Variants in STK32B observed in about 807,000 individuals in gnomAD.
The protein encoded by STK32B is serine/threonine kinase 32B, also known as serine/threonine-protein kinase 32B.
Under a neutral mutation model 52.6 loss-of-function variants are expected in STK32B, and 43 were observed. That is an observed-to-expected ratio of 0.82 (90% CI 0.64 to 1.05). The LOEUF is 1.05. Ranked by LOEUF, STK32B falls within the 50% of genes least tolerant of loss-of-function variation. The pLI is 0.00. For synonymous variants in STK32B, 238 were observed against 204.3 expected (o/e 1.17, Z -1.41); for missense variants, 621 against 534.6 (o/e 1.16, Z -1.59).
chr4:5,142,897 T>G (rs77447498), intron 2 of STK32B, among the ~76,000 whole-genome samples: 3,183 of 152,284 alleles, frequency 0.021, 68 homozygotes, highest in South Asian at 0.052. Flanking sequence ...ATCCAACCAT[T>G]TGAAGACTTT....
At chr4:5,369,998 C>T (rs370480048) in intron 4 of STK32B, among the ~76,000 whole-genome samples, 5 of 152,030 alleles carry the variant, frequency 3.3e-5, no homozygotes, top group African/African-American at 7.3e-5. Context: ...GCCTCAGCCT[C>T]CCGAGTAGCT....
At chr4:5,248,096 G>T (rs1725593390) in intron 3 of STK32B, among the ~76,000 whole-genome samples, 1 of 152,104 alleles carries the variant, frequency 6.6e-6, no homozygotes, top group Admixed American at 6.5e-5. Context: ...TAACATAGTG[G>T]GTGTTTTCAG....
chr4:5,159,733 ATATATGAATATATGAATG>A (rs1450392125), intron 2 of STK32B, among the ~76,000 whole-genome samples: 5 of 138,602 alleles, frequency 3.6e-5, no homozygotes, highest in African/African-American at 1.2e-4. Context: ...ATATGAATAT[ATATATGAATATATGAATG>A]TATATGAATA....
intron 3 of STK32B, among the ~76,000 whole-genome samples, chr4:5,264,972 A>G (rs1043378925): frequency 6.6e-6 from 1 of 152,054 alleles, no homozygotes; most frequent in Non-Finnish European, 1.5e-5. Flanking sequence ...TTTCTTCTTT[A>G]TGTTCATTGC....
intron 3 of STK32B, among the ~76,000 whole-genome samples, chr4:5,253,225 C>G (rs995967189): frequency 6.6e-6 from 1 of 152,040 alleles, no homozygotes; most frequent in Non-Finnish European, 1.5e-5. Flanking sequence ...AGAGGGAGTT[C>G]CCTTCAACTC....
At chr4:5,311,926 AG>A (rs1730321528) in intron 3 of STK32B, among the ~76,000 whole-genome samples, 1 of 147,334 alleles carries the variant, frequency 6.8e-6, no homozygotes, top group South Asian at 2.1e-4. Context: ...TTTTTTTTAA[AG>A]TTTATTCTTA....
chr4:5,296,822 A>G (rs1303457768), intron 3 of STK32B, among the ~76,000 whole-genome samples: 1 of 152,030 alleles, frequency 6.6e-6, no homozygotes, highest in Middle Eastern at 3.2e-3. Context: ...CTAGCTGGTT[A>G]TTTTGCACAT....
At position 5,168,337 on chromosome 4, in the gene STK32B, T is replaced by C. The variant is rs368357822; in HGVS notation, c.147T>C (p.Tyr49=). 26 of 1,613,804 alleles carry C rather than the reference T, an allele frequency of 1.6e-5. No homozygotes were observed. Among genetic ancestry groups the C allele is most frequent in the Non-Finnish European group, 1.9e-5 (23 of 1,180,014 alleles). ...IVQKRDTKKM[Y]AMKYMNKQKC... Reference sequence around the variant, plus strand: ...AGAAGCGAGACACTAAGAAAATGTATGCAATGAAGTACATGAACAAGCAGA... The same window carrying C: ...AGAAGCGAGACACTAAGAAAATGTACGCAATGAAGTACATGAACAAGCAGA... Residue 49 remains tyrosine (Y), a synonymous_variant, in exon 3 of 12, where the codon TAT becomes TAC. Transcript: ENST00000282908.
intron 1 of STK32B, among the ~76,000 whole-genome samples, chr4:5,060,130 C>T (rs1742161940): frequency 6.6e-6 from 1 of 152,146 alleles, no homozygotes; most frequent in African/African-American, 2.4e-5. Flanking sequence ...CTACGCCCGG[C>T]TAATTTTGTA....
chr4:5,453,362 G>T lies in STK32B; in HGVS notation c.667-3445G>T, dbSNP rs1243621554. Among the ~76,000 whole-genome samples the T allele has an allele frequency of 6.6e-6, 1 of 152,262 alleles. No individual in the cohort carries two copies. Among genetic ancestry groups the T allele is most frequent in the East Asian group, 1.9e-4 (1 of 5,164 alleles). On this transcript the variant is annotated intron_variant, in intron 7 of 11. Transcript: ENST00000282908. The surrounding 1 kb of genome is among the most constrained non-coding windows in gnomAD (Gnocchi z 4.0). ...AAACATTTACATTTGTTTCTGGCTG[G>T]TGTTCAAGTTGGGTGCTTGGATTCT...
intron 3 of STK32B, among the ~76,000 whole-genome samples, chr4:5,279,988 G>T (rs1728087893): frequency 6.6e-6 from 1 of 152,188 alleles, no homozygotes. Context: ...GGAAGGGGCT[G>T]CTGTGAAGGT....
At chr4:5,468,811 C>G (rs1404547741) in intron 11 of STK32B, among the ~76,000 whole-genome samples, 1 of 152,130 alleles carries the variant, frequency 6.6e-6, no homozygotes, top group Non-Finnish European at 1.5e-5. Context: ...ACCTGTAATT[C>G]TAGCATTTTG....
chr4:5,245,225 A>G (rs1009279967), intron 3 of STK32B, among the ~76,000 whole-genome samples: 14 of 152,302 alleles, frequency 9.2e-5, no homozygotes, highest in African/African-American at 3.4e-4. Context: ...GAATCTTTGT[A>G]GGTCACTCAG....
At chr4:5,348,717 G>A (rs539855650) in intron 4 of STK32B, among the ~76,000 whole-genome samples, 107 of 152,258 alleles carry the variant, frequency 7.0e-4, no homozygotes, top group African/African-American at 2.5e-3. Flanking sequence ...TCCACCAGAG[G>A]CCTGAGGATC....
At chr4:5,075,263 A>G (rs889520431) in intron 1 of STK32B, among the ~76,000 whole-genome samples, 2 of 152,206 alleles carry the variant, frequency 1.3e-5, no homozygotes, top group Non-Finnish European at 2.9e-5. Flanking sequence ...GTACAGCACA[A>G]ATGTGATCAT....
the STK32B span, among the ~76,000 whole-genome samples, chr4:5,036,440 A>T: frequency 3.3e-4 from 50 of 152,224 alleles, no homozygotes; most frequent in Non-Finnish European, 5.0e-4. Context: ...GAAGTCAGAA[A>T]ATAAACTCCA....
chr4:5,149,925 C>CT (rs1386115522), intron 2 of STK32B, among the ~76,000 whole-genome samples: 1 of 151,790 alleles, frequency 6.6e-6, no homozygotes, highest in Non-Finnish European at 1.5e-5. Context: ...AATTTATTCT[C>CT]TTTATTTTAT....
At chr4:5,316,249 T>G (rs1242294048) in intron 3 of STK32B, among the ~76,000 whole-genome samples, 1 of 68,926 alleles carries the variant, frequency 1.5e-5, no homozygotes, top group Non-Finnish European at 2.2e-5. Context: ...ATATATTGTA[T>G]ATATAATATA....
intron 3 of STK32B, among the ~76,000 whole-genome samples, chr4:5,265,865 C>A (rs1041425729): frequency 7.9e-5 from 12 of 152,214 alleles, no homozygotes; most frequent in Admixed American, 1.3e-4. Context: ...TTTAATAGCA[C>A]ATAATATTCC....
Sources: gnomAD v4.1 joint callset for allele counts (sites outside exome capture counted in the v4.1 genomes callset) on GRCh38, gnomAD v4.1.1 for gene constraint, Gnocchi (gnomAD v3.1) non-coding constraint, MANE v1.5 for transcripts, NCBI Gene and HGNC (gene_info 2026-07-23, HGNC 2026-07-21) for gene names.